KHDRBS2: variants seen among roughly 807,000 people sequenced by gnomAD.
The protein encoded by KHDRBS2 is KH RNA binding domain containing, signal transduction associated 2.
In KHDRBS2, 26 loss-of-function variants were observed where a neutral mutation model predicts 44.3. The observed-to-expected ratio is 0.59, with a 90% CI of 0.43 to 0.81. The LOEUF (loss-of-function observed/expected upper bound fraction) is 0.81. KHDRBS2 is among the 40% of genes least tolerant of loss of function. The pLI, the probability that KHDRBS2 is intolerant of heterozygous loss-of-function variation, is 0.00. For missense variants in KHDRBS2, 476 were observed against 433.1 expected, an observed-to-expected ratio of 1.10 and a Z score of -0.88; for synonymous variants, 194 against 151.1, an observed-to-expected ratio of 1.28 and a Z score of -2.08.
intron 2 of KHDRBS2, among the ~76,000 whole-genome samples, chr6:62,110,039 C>T (rs1449675301): frequency 6.6e-6 from 1 of 151,800 alleles, no homozygotes; most frequent in Non-Finnish European, 1.5e-5. Context: ...ATAAATTGAT[C>T]TTCATCAAAA....
chr6:61,949,750 G>C (rs1764360506), intron 4 of KHDRBS2, among the ~76,000 whole-genome samples: 1 of 151,686 alleles, frequency 6.6e-6, no homozygotes. Flanking sequence ...AATTTTAAAA[G>C]AATAATGCAT....
chr6:61,646,809 C>T, the KHDRBS2 span, among the ~76,000 whole-genome samples: 5 of 151,888 alleles, frequency 3.3e-5, no homozygotes, highest in Non-Finnish European at 7.4e-5. Flanking sequence ...AATATATATG[C>T]TACAATTTTA....
chr6:61,735,634 T>C (rs1033007420), intron 6 of KHDRBS2, among the ~76,000 whole-genome samples: 1 of 152,184 alleles, frequency 6.6e-6, no homozygotes, highest in Non-Finnish European at 1.5e-5. Context: ...CCAAACCAAC[T>C]GTTTTGTACA....
intron 6 of KHDRBS2, among the ~76,000 whole-genome samples, chr6:61,788,684 T>A (rs1462107602): frequency 6.6e-6 from 1 of 151,260 alleles, no homozygotes; most frequent in African/African-American, 2.4e-5. Flanking sequence ...ACTCCCAAGT[T>A]TTCTGATTTT....
At chr6:62,235,726 C>G (rs746350325) in intron 1 of KHDRBS2, among the ~76,000 whole-genome samples, 3 of 151,972 alleles carry the variant, frequency 2.0e-5, no homozygotes, top group Non-Finnish European at 4.4e-5. Context: ...ATGGTGATAT[C>G]AGCAAAGTGT....
chr6:61,697,127 T>C, intron 8 of KHDRBS2, 68 bp downstream of exon 8: 1 of 1,013,056 alleles, frequency 9.9e-7, no homozygotes, highest in Non-Finnish European at 1.6e-6. Context: ...AAGATGGAAA[T>C]AATGTTTGAA....
intron 6 of KHDRBS2, among the ~76,000 whole-genome samples, chr6:61,827,092 T>C (rs1388332188): frequency 6.6e-6 from 1 of 152,224 alleles, no homozygotes. Context: ...TGGAAGTATA[T>C]ACATTTTGGG....
chr6:61,955,286 A>T (rs1375728648), intron 4 of KHDRBS2, among the ~76,000 whole-genome samples: 2 of 60,848 alleles, frequency 3.3e-5, no homozygotes, highest in Admixed American at 3.3e-4. Context: ...ATATACTCAT[A>T]CGTATGTATG....
intron 2 of KHDRBS2, among the ~76,000 whole-genome samples, chr6:62,129,708 A>T (rs1375322562): frequency 2.0e-5 from 3 of 152,168 alleles, no homozygotes; most frequent in Non-Finnish European, 4.4e-5. Flanking sequence ...GAATTAAAAT[A>T]GCATTAAAAT....
chr6:61,547,059 G>A, the KHDRBS2 span, among the ~76,000 whole-genome samples: 3 of 151,960 alleles, frequency 2.0e-5, no homozygotes, highest in East Asian at 1.9e-4. Context: ...AATTTAGATA[G>A]GCCAATGAAC....
chr6:61,708,353 T>C (rs1582288178), intron 7 of KHDRBS2, among the ~76,000 whole-genome samples: 1 of 151,704 alleles, frequency 6.6e-6, no homozygotes, highest in East Asian at 1.9e-4. Context: ...TTTTGTGTAC[T>C]AAAAAATATT....
intron 1 of KHDRBS2, among the ~76,000 whole-genome samples, chr6:62,246,135 T>TATATATAA (rs1491165306): frequency 1.9e-4 from 26 of 136,692 alleles, no homozygotes; most frequent in South Asian, 1.9e-3. Flanking sequence ...TATATATATA[T>TATATATAA]AATCAATGTT....
chr6:62,171,704 A>G (rs527516035), intron 2 of KHDRBS2, among the ~76,000 whole-genome samples: 1 of 152,244 alleles, frequency 6.6e-6, no homozygotes, highest in Admixed American at 6.5e-5. Context: ...TACAAAGGAA[A>G]CCCGATCTGG....
At chr6:61,577,982 C>T in the KHDRBS2 span, among the ~76,000 whole-genome samples, 93,600 of 151,880 alleles carry the variant, frequency 0.62, 29,051 homozygotes, top group Non-Finnish European at 0.65. Flanking sequence ...GAACTATTTA[C>T]TTTTAAAAGT....
the KHDRBS2 span, among the ~76,000 whole-genome samples, chr6:61,593,474 G>GTT: frequency 8.9e-4 from 130 of 146,440 alleles, no homozygotes; most frequent in Middle Eastern, 0.011. Flanking sequence ...TGTACTATAG[G>GTT]TTTTTTTTTT....
At chr6:61,570,259 A>C in the KHDRBS2 span, among the ~76,000 whole-genome samples, 1 of 152,182 alleles carries the variant, frequency 6.6e-6, no homozygotes, top group Admixed American at 6.5e-5. Flanking sequence ...AGACACATTC[A>C]GTGAAATACA....
chr6:62,188,103 A>G (rs1196908402), intron 1 of KHDRBS2, among the ~76,000 whole-genome samples: 1 of 152,032 alleles, frequency 6.6e-6, no homozygotes, highest in East Asian at 1.9e-4. Flanking sequence ...GAGCTCACTC[A>G]TTACCATGGG....
Position 62,286,176 on chromosome 6 carries a change from A to C in KHDRBS2, c.-228T>G, listed in dbSNP as rs1842475631. The C allele has an allele frequency of 1.8e-6, 1 of 544,034 alleles. No individual in the cohort carries two copies. Among genetic ancestry groups the C allele is most frequent in the East Asian group, 3.4e-5 (1 of 29,340 alleles). 33.7% of individuals were successfully genotyped at this position (544,034 alleles called of 1,614,324 possible). On this transcript the variant is annotated 5_prime_UTR_variant, in exon 1 of 9. Transcript: ENST00000281156. ...CCCTTCCGTCGTCCCTCGCTCGCGC[A>C]GAGCCCCGGCTCACACCAGCGGCCT...
At chr6:62,106,813 A>G (rs1244835141) in intron 2 of KHDRBS2, among the ~76,000 whole-genome samples, 1 of 152,156 alleles carries the variant, frequency 6.6e-6, no homozygotes, top group African/African-American at 2.4e-5. Context: ...AATGTAATCC[A>G]GCATATAAAC....
Sources: gnomAD v4.1 joint callset for allele counts (sites outside exome capture counted in the v4.1 genomes callset) on GRCh38, gnomAD v4.1.1 for gene constraint, MANE v1.5 for transcripts, NCBI Gene and HGNC (gene_info 2026-07-23, HGNC 2026-07-21) for gene names.